Variants in DNAH8 observed in about 807,000 individuals in gnomAD.
The protein encoded by DNAH8 is axonemal beta dynein heavy chain 8.
DNAH8 carries 382 observed loss-of-function variants against 562.1 expected under a neutral mutation model. That is an observed-to-expected ratio of 0.68 (90% CI 0.63 to 0.74). The LOEUF is 0.74. Ranked by LOEUF, DNAH8 falls within the 30% of genes least tolerant of loss-of-function variation. The pLI is 0.00. For synonymous variants in DNAH8, 1,881 were observed against 1,919.4 expected, an observed-to-expected ratio of 0.98 and a Z score of 0.52; for missense variants, 5,203 against 5,620.4, an observed-to-expected ratio of 0.93 and a Z score of 2.37.
chr6:38,855,087 A>G (rs189575542), intron 41 of DNAH8, among the ~76,000 whole-genome samples: 423 of 151,022 alleles, frequency 2.8e-3, no homozygotes, highest in Non-Finnish European at 4.8e-3. Flanking sequence ...ATACACATAT[A>G]TTAAATTTTT....
At chr6:39,001,347 G>C in intron 88 of DNAH8, among the ~76,000 whole-genome samples, 1 of 152,042 alleles carries the variant, frequency 6.6e-6, no homozygotes, top group East Asian at 1.9e-4. Context: ...AGATAAACAA[G>C]CATGTCATCA....
intron 91 of DNAH8, among the ~76,000 whole-genome samples, chr6:39,021,920 AATG>A (rs1340162482): frequency 2.0e-5 from 3 of 152,198 alleles, no homozygotes; most frequent in African/African-American, 4.8e-5. Flanking sequence ...CCTTGTATGA[AATG>A]ATATTTAAAG....
In DNAH8 at chr6:38,951,556, C is replaced by A. The variant is rs201955524; in HGVS notation, c.12451+36C>A. 35 of 1,564,500 alleles carry A rather than the reference C, an allele frequency of 2.2e-5. No individual in the cohort carries two copies. In the East Asian group the frequency reaches 7.0e-4, roughly 31 times the overall value. Reference sequence around the variant, plus strand: ...CAATCTACAAAATGTAGCAACACTTCCATATTTTTTTGCCCCAAATTTTGC... The same window carrying A: ...CAATCTACAAAATGTAGCAACACTTACATATTTTTTTGCCCCAAATTTTGC... On this transcript the variant is annotated intron_variant, in intron 82 of 92. Transcript: ENST00000327475.
intron 58 of DNAH8, among the ~76,000 whole-genome samples, chr6:38,894,184 G>C (rs1779525509): frequency 6.6e-6 from 1 of 152,306 alleles, no homozygotes; most frequent in African/African-American, 2.4e-5. Flanking sequence ...TAAAATCCAG[G>C]TTATGATATG....
intron 8 of DNAH8, among the ~76,000 whole-genome samples, chr6:38,748,083 A>G (rs1345841121): frequency 1.3e-5 from 2 of 152,216 alleles, no homozygotes; most frequent in Admixed American, 6.5e-5. Context: ...ATTGCAAGCA[A>G]TGATTCAAAG....
In DNAH8 at chr6:39,017,069, A is replaced by G. The variant is rs1489686826; in HGVS notation, c.13714+4432A>G. Among the ~76,000 whole-genome samples, 3 of 152,176 alleles carry G rather than the reference A, an allele frequency of 2.0e-5. 1 individual carries two copies. The highest frequency in any genetic ancestry group is 4.1e-4 in the South Asian group (2 of 4,826). ...GATGATTAAAATAGTCAAGCTCTCT[A>G]TATCTGTGACCCTGTGATAGTTTTT... On this transcript the variant is annotated intron_variant, in intron 91 of 92. Transcript: ENST00000327475.
intron 82 of DNAH8, among the ~76,000 whole-genome samples, chr6:38,971,342 A>G (rs1164099678): frequency 6.6e-6 from 1 of 151,900 alleles, no homozygotes; most frequent in Non-Finnish European, 1.5e-5. Context: ...CTAAAAGCCC[A>G]CCATACGTGC....
chr6:38,809,416 T>G (rs773891393), intron 24 of DNAH8, among the ~76,000 whole-genome samples: 2 of 152,212 alleles, frequency 1.3e-5, no homozygotes, highest in Non-Finnish European at 2.9e-5. Context: ...ATTTTTATGC[T>G]TAGTGTGAGG....
rs1767999643 is a variant in DNAH8, at chr6:38,775,745, C to T, written c.1765-9C>T. On this transcript the variant is annotated splice_polypyrimidine_tract_variant and intron_variant, in intron 12 of 92. Transcript: ENST00000327475. Reference sequence around the variant, plus strand: ...TTTAAAAAAGCAAAATAACATTTCTCTTTTTAAGATTACAGAAATGATAAC... The same window carrying T: ...TTTAAAAAAGCAAAATAACATTTCTTTTTTTAAGATTACAGAAATGATAAC... The T allele has an allele frequency of 2.6e-6, 4 of 1,550,996 alleles. No homozygotes were observed. Among genetic ancestry groups the T allele is most frequent in the South Asian group, 2.3e-5 (2 of 86,536 alleles).
intron 28 of DNAH8, among the ~76,000 whole-genome samples, chr6:38,825,237 C>G (rs775858301): frequency 1.0e-3 from 156 of 152,062 alleles, no homozygotes; most frequent in Non-Finnish European, 1.9e-3. Flanking sequence ...TGTTCTTGGG[C>G]CACGCTTTCT....
intron 57 of DNAH8, among the ~76,000 whole-genome samples, chr6:38,887,774 A>G (rs1018681260): frequency 1.3e-5 from 2 of 152,000 alleles, no homozygotes; most frequent in African/African-American, 2.4e-5. Context: ...AGACCCTTGC[A>G]TATAAGAACA....
intron 28 of DNAH8, among the ~76,000 whole-genome samples, chr6:38,823,973 A>G (rs1773098662): frequency 6.6e-6 from 1 of 152,124 alleles, no homozygotes; most frequent in South Asian, 2.1e-4. Flanking sequence ...CCGTAGACAC[A>G]CTACACAGGA....
At chr6:38,935,834 A>G (rs947507461) in intron 77 of DNAH8, 137 bp downstream of exon 77, 19 of 602,480 alleles carry the variant, frequency 3.2e-5, no homozygotes, top group Non-Finnish European at 5.0e-5. Context: ...GGCAATTTCC[A>G]TCTAGACATT....
At chr6:38,792,860 C>A (rs1310024945) in intron 21 of DNAH8, among the ~76,000 whole-genome samples, 1 of 151,940 alleles carries the variant, frequency 6.6e-6, no homozygotes, top group Non-Finnish European at 1.5e-5. Context: ...CTCACTGGAG[C>A]CTTGACCTCC....
rs1327994052 is a variant in DNAH8 at position 38,723,396 on chromosome 6, T to C, written c.450T>C (p.Tyr150=). The part of the protein sequence containing the change: ...RRLKIDPSYK[Y]IFEILAENLG... The stretch of plus-strand genomic sequence containing the variant: ...TGAAAATTGACCCTTCATACAAATA[T>C]ATATTTGAAATTCTAGCAGAAAATC... Residue 150 remains tyrosine, a synonymous_variant, in exon 3 of 93, where the codon TAT becomes TAC. Coordinates refer to ENST00000327475, the MANE Select transcript of DNAH8 (RefSeq NM_001206927.2). The C allele has an allele frequency of 6.2e-7, 1 of 1,612,468 alleles. No homozygotes were observed. The highest frequency in any genetic ancestry group is 1.7e-5 in the Admixed American group (1 of 59,970).
chr6:38,973,021 G>C (rs1763445684), intron 83 of DNAH8, among the ~76,000 whole-genome samples: 1 of 152,224 alleles, frequency 6.6e-6, no homozygotes, highest in East Asian at 1.9e-4. Flanking sequence ...CCTGTATAAA[G>C]GTATTAAAAT....
rs1781426304 is a variant in DNAH8 at position 38,917,839 on chromosome 6, T to G, written c.10309-86T>G. The G allele has an allele frequency of 3.9e-6, 4 of 1,027,356 alleles. No homozygotes were observed. The South Asian group carries it at 5.4e-5, about 14-fold the overall frequency. 63.6% of individuals were successfully genotyped at this position (1,027,356 alleles called of 1,614,324 possible). On this transcript the variant is annotated intron_variant, in intron 69 of 92. Coordinates refer to ENST00000327475, the MANE Select transcript of DNAH8 (RefSeq NM_001206927.2). The stretch of plus-strand genomic sequence containing the variant: ...TAGAGCAAATCATCTATTACTTCTT[T>G]GAGAAAATTCAATTTAGAAGTACAT...
intron 9 of DNAH8, among the ~76,000 whole-genome samples, chr6:38,751,023 C>T (rs1198109373): frequency 6.6e-6 from 1 of 152,082 alleles, no homozygotes; most frequent in Non-Finnish European, 1.5e-5. Context: ...TAACAAATAA[C>T]CTCAGAACTG....
intron 88 of DNAH8, among the ~76,000 whole-genome samples, chr6:39,007,641 A>G (rs538153311): frequency 3.9e-5 from 6 of 152,132 alleles, no homozygotes; most frequent in African/African-American, 1.4e-4. Flanking sequence ...ATAACCCTGC[A>G]TGGTCTGGCT....
Sources: gnomAD v4.1 joint callset for allele counts (sites outside exome capture counted in the v4.1 genomes callset) on GRCh38, gnomAD v4.1.1 for gene constraint, MANE v1.5 for transcripts, NCBI Gene and HGNC (gene_info 2026-07-23, HGNC 2026-07-21) for gene names.